Variants in PALS2 observed in about 807,000 individuals in gnomAD.
The protein encoded by PALS2 is protein PALS2.
A neutral mutation model predicts 61.6 loss-of-function variants in PALS2; 27 were observed. That is an observed-to-expected ratio of 0.44 (90% confidence interval 0.32 to 0.60). The LOEUF is 0.60. Ranked by LOEUF, PALS2 falls within the 20% of genes least tolerant of loss-of-function variation. The probability of loss-of-function intolerance (pLI) is 0.05; values close to 1 mark genes in which losing one functional copy is unlikely to be tolerated. For synonymous variants in PALS2, 236 were observed against 218.6 expected (o/e 1.08, Z -0.70); for missense variants, 554 against 639.4 (o/e 0.87, Z 1.44).
chr7:24,683,936 A>G (rs1007421378), intron 11 of PALS2, among the ~76,000 whole-genome samples: 2 of 152,208 alleles, frequency 1.3e-5, no homozygotes, highest in Non-Finnish European at 2.9e-5. Flanking sequence ...TTAGAATTAG[A>G]ATATCAAATA....
chr7:24,641,289 CAT>C (rs1043135979), intron 2 of PALS2, among the ~76,000 whole-genome samples: 14 of 151,982 alleles, frequency 9.2e-5, no homozygotes, highest in African/African-American at 2.9e-4. Context: ...AAAATATTAA[CAT>C]ATAATTATTA....
chr7:24,643,002 C>T (rs1356567575), intron 3 of PALS2, among the ~76,000 whole-genome samples: 1 of 151,812 alleles, frequency 6.6e-6, no homozygotes, highest in Admixed American at 6.6e-5. Context: ...GATGGCAGTA[C>T]GTATAGATAG....
rs1318456975 is a variant in PALS2 at position 24,690,967 on chromosome 7, A to G, written c.*3353A>G. 1 of 152,184 alleles carries G rather than the reference A, an allele frequency of 6.6e-6. No individual in the cohort carries two copies. The highest frequency in any genetic ancestry group is 1.5e-5 in the Non-Finnish European group (1 of 68,022). The allele number at this position is 152,184 out of a possible 1,614,324, so 9.4% of individuals were successfully genotyped here. A position where few individuals can be genotyped will look rare whatever the true frequency, so the allele number is the denominator to read the frequency against. On this transcript the variant is annotated 3_prime_UTR_variant, in exon 12 of 12. Transcript: ENST00000222644. ...GATAATAACCCAAGTTAGCAATAAA[A>G]CCATGTGACATTATAGATTATGTCC... is the stretch of plus-strand genomic sequence containing the variant.
intron 1 of PALS2, among the ~76,000 whole-genome samples, chr7:24,583,662 A>ATTTTTT (rs11407533): frequency 7.0e-6 from 1 of 143,642 alleles, no homozygotes; most frequent in Non-Finnish European, 1.5e-5. Flanking sequence ...TATTTATTTA[A>ATTTTTT]TTTTTTTTTT....
intron 1 of PALS2, chr7:24,620,351 T>C (rs1170109005): frequency 6.6e-6 from 1 of 152,244 alleles, no homozygotes; most frequent in African/African-American, 2.4e-5. Flanking sequence ...AAAAGAACTA[T>C]GTATTGTATT....
At chr7:24,628,784 C>T (rs1025742696) in intron 2 of PALS2, among the ~76,000 whole-genome samples, 1 of 152,126 alleles carries the variant, frequency 6.6e-6, no homozygotes, top group African/African-American at 2.4e-5. Flanking sequence ...ATACAACTTA[C>T]AAGGGATGTG....
chr7:24,671,296 A>C (rs775314815), intron 9 of PALS2, among the ~76,000 whole-genome samples: 7 of 152,190 alleles, frequency 4.6e-5, no homozygotes, highest in Admixed American at 2.0e-4. Context: ...ACAACTTTTC[A>C]TGTACATATT....
At chr7:24,661,268 TA>T (rs1391648512) in intron 5 of PALS2, among the ~76,000 whole-genome samples, 1 of 151,908 alleles carries the variant, frequency 6.6e-6, no homozygotes, top group African/African-American at 2.4e-5. Context: ...AAGTTCAAAG[TA>T]AAATCAGGTT....
chr7:24,619,978 A>G (rs1184621187), intron 1 of PALS2: 1 of 152,088 alleles, frequency 6.6e-6, no homozygotes, highest in Non-Finnish European at 1.5e-5. Flanking sequence ...TTAAGTTTTT[A>G]CATATACTAG....
At position 24,573,528 on chromosome 7, in the gene PALS2, A is replaced by AG. The variant is rs1782524981; in HGVS notation, c.-67dup. 3 of 373,980 alleles carry AG rather than the reference A, an allele frequency of 8.0e-6. No individual in the cohort carries two copies. The highest frequency in any genetic ancestry group is 3.8e-5 in the East Asian group (1 of 26,562). The allele number at this position is 373,980 out of a possible 1,614,324, so 23.2% of individuals were successfully genotyped here. A position where few individuals can be genotyped will look rare whatever the true frequency, so the allele number is the denominator to read the frequency against. ...GCGGCGCCTGTGGCTGAGGGAGAGC[A>AG]GCGGCGGCGGGGAGCGACCGGGAGC... On this transcript the variant is annotated 5_prime_UTR_variant, in exon 1 of 12. Transcript: ENST00000222644. This position sits in a 1 kb window ranked among gnomAD's most constrained non-coding sequence, Gnocchi z 5.3.
At chr7:24,583,484 C>G (rs934159370) in intron 1 of PALS2, among the ~76,000 whole-genome samples, 8 of 152,004 alleles carry the variant, frequency 5.3e-5, no homozygotes, top group Non-Finnish European at 7.4e-5. Context: ...TTTGGAAATA[C>G]CAGATACTAT....
At chr7:24,613,104 T>A (rs1479217245) in intron 1 of PALS2, among the ~76,000 whole-genome samples, 2 of 151,662 alleles carry the variant, frequency 1.3e-5, no homozygotes, top group African/African-American at 4.8e-5. Context: ...TATAATTTTT[T>A]AACTAAGTTT....
chr7:24,616,929 C>T (rs373505089), intron 1 of PALS2, among the ~76,000 whole-genome samples: 41 of 152,270 alleles, frequency 2.7e-4, no homozygotes, highest in East Asian at 2.5e-3. Context: ...GACTTTTGTG[C>T]TTCCTGGATC....
At chr7:24,644,304 G>C (rs1386503751) in intron 3 of PALS2, among the ~76,000 whole-genome samples, 1 of 151,508 alleles carries the variant, frequency 6.6e-6, no homozygotes, top group African/African-American at 2.4e-5. Context: ...TTCCCTTCTT[G>C]TTGTTCATAA....
At chr7:24,649,169 TATATC>T (rs1172559244) in intron 3 of PALS2, among the ~76,000 whole-genome samples, 2 of 152,136 alleles carry the variant, frequency 1.3e-5, no homozygotes, top group African/African-American at 4.8e-5. Flanking sequence ...ATATAAAAAG[TATATC>T]ATATTACTAA....
At chr7:24,650,288 C>T (rs752150221) in intron 4 of PALS2, among the ~76,000 whole-genome samples, 197 bp from the exon 5 acceptor site, 3 of 152,130 alleles carry the variant, frequency 2.0e-5, no homozygotes, top group Non-Finnish European at 4.4e-5. Context: ...CTGTAAGATA[C>T]ATCCTATCCA....
Position 24,600,048 on chromosome 7 carries a change from C to T in PALS2, c.-2-23618C>T, listed in dbSNP as rs114793087. 5.2e-3 allele frequency among the ~76,000 whole-genome samples: 795 copies of T among 152,064 alleles called. 7 individuals are homozygous for T. The highest frequency in any genetic ancestry group is 0.017 in the African/African-American group (723 of 41,468). ...AAGAACCTGCCTGAGGATCTTCTTG[C>T]GGGGGTGTCACTCTTTTCAGAAATC... On this transcript the variant is annotated intron_variant, in intron 1 of 11. Coordinates refer to ENST00000222644, the MANE Select transcript of PALS2 (RefSeq NM_001303037.2).
intron 2 of PALS2, among the ~76,000 whole-genome samples, chr7:24,637,320 G>T (rs1785286514): frequency 7.6e-6 from 1 of 131,966 alleles, no homozygotes; most frequent in African/African-American, 2.8e-5. Context: ...TTTTTTCAGA[G>T]CAAAGCTCAT....
chr7:24,674,289 A>AAGAAATGT (rs1234125556), intron 9 of PALS2: 6 of 153,198 alleles, frequency 3.9e-5, no homozygotes, highest in African/African-American at 1.4e-4. Context: ...TGGGGAAAGC[A>AAGAAATGT]AGAAATGTAG....
Sources: gnomAD v4.1 joint callset for allele counts (sites outside exome capture counted in the v4.1 genomes callset) on GRCh38, gnomAD v4.1.1 for gene constraint, Gnocchi (gnomAD v3.1) non-coding constraint, MANE v1.5 for transcripts, NCBI Gene and HGNC (gene_info 2026-07-23, HGNC 2026-07-21) for gene names.